The following CAPS2 variants were observed in gnomAD, a reference collection of about 807,000 sequenced individuals.
CAPS2 encodes calcyphosine 2.
CAPS2 carries 98 observed loss-of-function variants against 86.5 expected under a neutral mutation model. That is an observed-to-expected ratio of 1.13 (90% CI 0.96 to 1.34). CAPS2 has a LOEUF of 1.34. Ranked by LOEUF, CAPS2 falls within the 40% of genes most tolerant of loss-of-function variation. CAPS2 has a pLI of 0.00. For synonymous variants in CAPS2, 210 were observed against 225.1 expected (o/e 0.93, Z 0.60); for missense variants, 729 against 686.8 (o/e 1.06, Z -0.69).
upstream of CAPS2, among the ~76,000 whole-genome samples, chr12:75,331,788 C>T (rs1412979706): frequency 1.3e-5 from 2 of 152,054 alleles, no homozygotes; most frequent in Non-Finnish European, 2.9e-5. Flanking sequence ...TGGTCTCGAT[C>T]TCCTGACCTC....
At position 75,346,075 on chromosome 12, in the gene CAPS2, A is replaced by T. The variant is rs570114839; in HGVS notation, c.-394-22853T>A. 3.9e-5 allele frequency among the ~76,000 whole-genome samples: 6 copies of T among 152,324 alleles called. No individual in the cohort carries two copies. In the South Asian group the frequency reaches 1.2e-3, roughly 32 times the overall value. ...CATCCAATGTTCATATTAATATTAC[A>T]TCTAGTTTCTTTAATGAAAGCAATA... is the stretch of plus-strand genomic sequence containing the variant. On this transcript the variant is annotated intron_variant, in intron 1 of 5. Coordinates refer to the CAPS2 transcript ENST00000551829.
At chr12:75,347,265 G>C (rs2042516584) in intron 1 of CAPS2, among the ~76,000 whole-genome samples, 1 of 151,990 alleles carries the variant, frequency 6.6e-6, no homozygotes, top group Non-Finnish European at 1.5e-5. Flanking sequence ...TTCATTTATA[G>C]TCTGATTTTC....
At chr12:75,337,897 A>G (rs1408421593) in intron 1 of CAPS2, among the ~76,000 whole-genome samples, 1 of 152,112 alleles carries the variant, frequency 6.6e-6, no homozygotes, top group Non-Finnish European at 1.5e-5. Flanking sequence ...TGAACCCAAT[A>G]TAAATCTTTT....
At chr12:75,363,337 G>T (rs574217485) in intron 1 of CAPS2, 2 of 396,300 alleles carry the variant, frequency 5.0e-6, no homozygotes, top group South Asian at 9.6e-5. Context: ...GTCATAAATT[G>T]TAATACTTAA....
At chr12:75,318,115 A>T (rs1226294003) in intron 5 of CAPS2, 1 of 151,998 alleles carries the variant, frequency 6.6e-6, no homozygotes, top group Non-Finnish European at 1.5e-5. Context: ...TGCCTGGTTT[A>T]ATGTCCTGCA....
chr12:75,325,321 A>G (rs2040665487), intron 1 of CAPS2, 33 bp from the exon 3 acceptor site: 6 of 1,362,412 alleles, frequency 4.4e-6, no homozygotes, highest in Admixed American at 2.1e-5. Context: ...TTGAATCAGT[A>G]TAAATATGAA....
At chr12:75,292,663 A>G (rs1163453600) in intron 12 of CAPS2, among the ~76,000 whole-genome samples, 3 of 147,322 alleles carry the variant, frequency 2.0e-5, no homozygotes, top group Non-Finnish European at 1.5e-5. Flanking sequence ...AGATCTATAT[A>G]TAATGTAATA....
upstream of CAPS2, among the ~76,000 whole-genome samples, chr12:75,332,548 TAA>T (rs1254648662): frequency 1.3e-5 from 2 of 152,300 alleles, no homozygotes; most frequent in East Asian, 3.9e-4. Flanking sequence ...TTTATGTGAT[TAA>T]GTCAAAAATA....
chr12:75,378,708 G>C (rs905929199), intron 1 of CAPS2, among the ~76,000 whole-genome samples: 1 of 152,120 alleles, frequency 6.6e-6, no homozygotes, highest in African/African-American at 2.4e-5. Flanking sequence ...AGGATAATCT[G>C]ATTTACTTGA....
chr12:75,298,721 T>C, exon 11 of CAPS2: 2 of 1,614,118 alleles, frequency 1.2e-6, no homozygotes, highest in South Asian at 1.1e-5. Flanking sequence ...TTGTTTTCCT[T>C]TTCTTCGTCC....
chr12:75,335,546 T>C (rs1295914295), intron 1 of CAPS2, among the ~76,000 whole-genome samples: 1 of 152,184 alleles, frequency 6.6e-6, no homozygotes. Context: ...ATAGTATTAG[T>C]CTATTTTATG....
At chr12:75,310,909 C>T (rs1370050508) in intron 7 of CAPS2, among the ~76,000 whole-genome samples, 1 of 152,098 alleles carries the variant, frequency 6.6e-6, no homozygotes, top group Non-Finnish European at 1.5e-5. Context: ...TCATTTAAAG[C>T]CTAAGATCAA....
intron 8 of CAPS2, among the ~76,000 whole-genome samples, chr12:75,304,247 C>CTGTG (rs1301143005): frequency 1.3e-5 from 2 of 152,122 alleles, no homozygotes; most frequent in Non-Finnish European, 2.9e-5. Context: ...AAAAAAGCTA[C>CTGTG]TGTGGGTACT....
intron 9 of CAPS2, 56 bp from the exon 10 acceptor site, chr12:75,299,022 T>TC: frequency 8.7e-7 from 1 of 1,151,424 alleles, no homozygotes; most frequent in Non-Finnish European, 1.2e-6. Flanking sequence ...TTAGATGAAT[T>TC]AACTAAAAAA....
intron 1 of CAPS2, among the ~76,000 whole-genome samples, chr12:75,387,258 T>C (rs1057248407): frequency 1.3e-5 from 2 of 152,196 alleles, no homozygotes; most frequent in African/African-American, 4.8e-5. Flanking sequence ...AAAACCTTAA[T>C]GGACACCTCA....
intron 6 of CAPS2, among the ~76,000 whole-genome samples, chr12:75,314,020 A>G (rs2039495063): frequency 1.3e-5 from 2 of 152,114 alleles, no homozygotes; most frequent in South Asian, 4.1e-4. Context: ...CCCAGATTCA[A>G]GTGATTCTCA....
chr12:75,357,840 A>G (rs2043253125), intron 1 of CAPS2, among the ~76,000 whole-genome samples: 1 of 151,918 alleles, frequency 6.6e-6, no homozygotes, highest in Admixed American at 6.6e-5. Context: ...ACGGGATGCT[A>G]TTAAAACAGT....
intron 7 of CAPS2, among the ~76,000 whole-genome samples, chr12:75,311,699 G>GAAAAAAAAAA (rs764314438): frequency 2.9e-4 from 5 of 16,992 alleles, no homozygotes; most frequent in Admixed American, 1.2e-3. Flanking sequence ...AAGCCATGCA[G>GAAAAAAAAAA]GAAAAAAAAA....
chr12:75,293,968 TG>T (rs1565807095), intron 11 of CAPS2, among the ~76,000 whole-genome samples: 4 of 152,196 alleles, frequency 2.6e-5, no homozygotes, highest in Non-Finnish European at 4.4e-5. Context: ...AGTCTCGCAC[TG>T]TCGCCCAGGC....
Sources: allele counts gnomAD v4.1 joint callset (sites outside exome capture counted in the v4.1 genomes callset), GRCh38; gene constraint gnomAD v4.1.1; transcripts MANE v1.5; gene names NCBI Gene and HGNC (gene_info 2026-07-23, HGNC 2026-07-21).